The following PTDSS1 variants were observed in gnomAD, a reference collection of about 807,000 sequenced individuals.
The protein encoded by PTDSS1 is PSS-1.
PTDSS1 carries 45 observed loss-of-function variants against 70.5 expected under a neutral mutation model. That is an observed-to-expected ratio of 0.64 (90% CI 0.50 to 0.82). The LOEUF (loss-of-function observed/expected upper bound fraction) is 0.82. PTDSS1 is among the 40% of genes least tolerant of loss of function. The pLI is 0.00. For synonymous variants in PTDSS1, 188 were observed against 203.8 expected (o/e 0.92, Z 0.66); for missense variants, 417 against 586.1 (o/e 0.71, Z 2.98).
In PTDSS1 at chr8:96,320,340, T is replaced by A; in HGVS notation, c.1168T>A (p.Cys390Ser). The A allele has an allele frequency of 6.2e-7, 1 of 1,605,720 alleles. No homozygotes were observed. Among genetic ancestry groups the A allele is most frequent in the Non-Finnish European group, 8.5e-7 (1 of 1,172,296 alleles). ...QILYVVLWLL[C>S]VAFTTFLCLY... ...ACTCTATGTTGTGCTTTGGCTTCTT[T>A]GCGTGGTAAGTCACTGCATTTTACC... Residue 390 changes from cysteine to serine, a missense_variant, in exon 10 of 13, where the codon TGC becomes AGC. Physicochemically the swap from Cys to Ser is moderately radical, Grantham distance 112 (BLOSUM62 -1). Around this residue, in one of 3 missense-constraint regions of PTDSS1, gnomAD observed 107 missense variants for 122.3 expected, o/e 0.88. Coordinates refer to ENST00000517309, the MANE Select transcript of PTDSS1 (RefSeq NM_014754.3).
intron 9 of PTDSS1, among the ~76,000 whole-genome samples, chr8:96,312,181 C>T (rs867695707): frequency 6.6e-6 from 1 of 152,186 alleles, no homozygotes; most frequent in African/African-American, 2.4e-5. Context: ...TCCACTATGG[C>T]GGCTCACGCC....
chr8:96,317,911 G>GTATATC (rs751468367), intron 9 of PTDSS1, among the ~76,000 whole-genome samples: 1 of 100,992 alleles, frequency 9.9e-6, no homozygotes, highest in Non-Finnish European at 2.2e-5. Context: ...GTGTGTGTGT[G>GTATATC]TGTGTGTGTA....
intron 2 of PTDSS1, among the ~76,000 whole-genome samples, chr8:96,280,414 A>G (rs1044344596): frequency 2.0e-5 from 3 of 151,884 alleles, no homozygotes; most frequent in South Asian, 2.1e-4. Context: ...CCCAGCTACT[A>G]GGGTGGCTGA....
intron 4 of PTDSS1, among the ~76,000 whole-genome samples, chr8:96,292,670 C>T (rs1810924482): frequency 6.6e-6 from 1 of 152,192 alleles, no homozygotes; most frequent in African/African-American, 2.4e-5. Flanking sequence ...TCAATAAATA[C>T]CTCCATTTCT....
intron 10 of PTDSS1, among the ~76,000 whole-genome samples, chr8:96,326,655 TC>T (rs1811442446): frequency 6.6e-6 from 1 of 152,034 alleles, no homozygotes; most frequent in Admixed American, 6.6e-5. Context: ...TAGGACAGGG[TC>T]CCCTGCTTAG....
At chr8:96,296,179 C>A (rs1191707825) in intron 5 of PTDSS1, among the ~76,000 whole-genome samples, 1 of 146,022 alleles carries the variant, frequency 6.8e-6, no homozygotes, top group Non-Finnish European at 1.5e-5. Flanking sequence ...CTTGCTCTCG[C>A]CCAGGCTGGA....
At chr8:96,308,923 A>T (rs1427252089) in intron 8 of PTDSS1, among the ~76,000 whole-genome samples, 1 of 152,060 alleles carries the variant, frequency 6.6e-6, no homozygotes, top group Non-Finnish European at 1.5e-5. Context: ...ATTCCAAGTC[A>T]TTGGCATTCA....
At chr8:96,316,085 G>T (rs1811284604) in intron 9 of PTDSS1, among the ~76,000 whole-genome samples, 1 of 152,136 alleles carries the variant, frequency 6.6e-6, no homozygotes, top group Non-Finnish European at 1.5e-5. Flanking sequence ...CCCTCCAGTG[G>T]GCCAGAGGTA....
chr8:96,324,294 G>C (rs1447543690), intron 10 of PTDSS1, among the ~76,000 whole-genome samples: 1 of 152,134 alleles, frequency 6.6e-6, no homozygotes, highest in African/African-American at 2.4e-5. Context: ...CAGCAATACA[G>C]GCTTTTTCTA....
At chr8:96,322,499 C>T (rs954233697) in intron 10 of PTDSS1, among the ~76,000 whole-genome samples, 2 of 152,092 alleles carry the variant, frequency 1.3e-5, no homozygotes, top group African/African-American at 4.8e-5. Context: ...CACTAACACG[C>T]TCCTGTGATA....
chr8:96,334,829 G>A lies in PTDSS1; in HGVS notation c.*1263G>A, dbSNP rs1275465323. 1.3e-5 allele frequency: 2 copies of A among 152,120 alleles called. No homozygotes were observed. The highest frequency in any genetic ancestry group is 2.9e-5 in the Non-Finnish European group (2 of 68,028). The allele number at this position is 152,120 out of a possible 1,614,324, so 9.4% of individuals were successfully genotyped here. A position where few individuals can be genotyped will look rare whatever the true frequency, so the allele number is the denominator to read the frequency against. On this transcript the variant is annotated 3_prime_UTR_variant, in exon 13 of 13. Transcript: ENST00000517309. ...TTTTTTTTCCTCTAACAAGAGGCCA[G>A]TACCCAGTTGATTAGCTTACAGATA...
chr8:96,332,731 A>G (rs561560671), intron 12 of PTDSS1, among the ~76,000 whole-genome samples: 16 of 152,368 alleles, frequency 1.1e-4, no homozygotes, highest in African/African-American at 3.8e-4. Context: ...GTGGGGAAAG[A>G]ATCTCTTAGT....
At position 96,261,980 on chromosome 8, in the gene PTDSS1, C is replaced by A; in HGVS notation, c.-61C>A. The A allele has an allele frequency of 6.5e-7, 1 of 1,537,580 alleles. No homozygotes were observed. The highest frequency in any genetic ancestry group is 2.4e-5 in the East Asian group (1 of 42,412). On this transcript the variant is annotated 5_prime_UTR_variant, in exon 1 of 13. Coordinates refer to ENST00000517309, the MANE Select transcript of PTDSS1 (RefSeq NM_014754.3). ...TTAGCCTACTGTGGCTAGTCACCCCCGGGGTCCCGGCCTTCTCGGGCTGGG... is the reference window on the plus strand; with the variant it reads ...TTAGCCTACTGTGGCTAGTCACCCCAGGGGTCCCGGCCTTCTCGGGCTGGG...
intron 1 of PTDSS1, among the ~76,000 whole-genome samples, chr8:96,272,743 G>A (rs1810584231): frequency 6.6e-6 from 1 of 152,208 alleles, no homozygotes; most frequent in Non-Finnish European, 1.5e-5. Context: ...CCTGGTCAGT[G>A]CCTGGCACAC....
intron 2 of PTDSS1, among the ~76,000 whole-genome samples, chr8:96,282,519 C>G (rs1810753388): frequency 6.6e-6 from 1 of 152,138 alleles, no homozygotes; most frequent in Admixed American, 6.5e-5. Context: ...ACCTGCCATC[C>G]AAAACGCAGG....
At position 96,261,933 on chromosome 8, in the gene PTDSS1, A is replaced by C; in HGVS notation, c.-108A>C. The stretch of plus-strand genomic sequence containing the variant: ...GCTCCCAGCCTTTGCTGGGCGCCAG[A>C]CCCGGCTTTGCCGTCCGGCTATTAG... On this transcript the variant is annotated 5_prime_UTR_variant, in exon 1 of 13. Coordinates refer to ENST00000517309, the MANE Select transcript of PTDSS1 (RefSeq NM_014754.3). 5 of 1,215,196 alleles carry C rather than the reference A, an allele frequency of 4.1e-6. No homozygotes were observed. The highest frequency in any genetic ancestry group is 4.5e-6 in the Non-Finnish European group (4 of 883,902). 75.3% of individuals were successfully genotyped at this position (1,215,196 alleles called of 1,614,324 possible).
intron 2 of PTDSS1, among the ~76,000 whole-genome samples, chr8:96,277,881 G>T (rs1015375479): frequency 3.9e-5 from 6 of 152,244 alleles, no homozygotes; most frequent in African/African-American, 1.4e-4. Context: ...GACTGCAAGT[G>T]ATAGAAAACG....
chr8:96,302,774 G>T (rs1468003976), intron 6 of PTDSS1, among the ~76,000 whole-genome samples: 1 of 152,070 alleles, frequency 6.6e-6, no homozygotes, highest in Non-Finnish European at 1.5e-5. Context: ...TAGAGACAGG[G>T]TTTCACCATG....
intron 4 of PTDSS1, among the ~76,000 whole-genome samples, chr8:96,291,768 A>G (rs1006559976): frequency 6.6e-6 from 1 of 152,138 alleles, no homozygotes; most frequent in Non-Finnish European, 1.5e-5. Flanking sequence ...ATCTTCTATA[A>G]AGTAGAACTC....
Sources: gnomAD v4.1 joint callset for allele counts (sites outside exome capture counted in the v4.1 genomes callset) on GRCh38, gnomAD v4.1.1 for gene constraint, gnomAD v4.1.1 regional missense constraint, MANE v1.5 for transcripts, NCBI Gene and HGNC (gene_info 2026-07-23, HGNC 2026-07-21) for gene names.